STK32B: variants seen among roughly 807,000 people sequenced by gnomAD.
STK32B encodes serine/threonine-protein kinase 32B.
STK32B carries 43 observed loss-of-function variants against 52.6 expected under a neutral mutation model. The ratio of observed to expected loss-of-function variants is 0.82; its 90% CI spans 0.64 to 1.05. The LOEUF (loss-of-function observed/expected upper bound fraction) is 1.05. Ranked by LOEUF, STK32B falls within the 50% of genes least tolerant of loss-of-function variation. The pLI is 0.00. For synonymous variants in STK32B, 238 were observed against 204.3 expected, an observed-to-expected ratio of 1.17 and a Z score of -1.41; for missense variants, 621 against 534.6, an observed-to-expected ratio of 1.16 and a Z score of -1.59.
intron 7 of STK32B, among the ~76,000 whole-genome samples, chr4:5,452,490 A>C (rs147529957): frequency 9.8e-4 from 149 of 152,216 alleles, no homozygotes; most frequent in African/African-American, 3.4e-3. Context: ...ACCTTTGTGA[A>C]TTGTTCAGTG....
At chr4:5,130,731 A>G (rs1715718107) in intron 1 of STK32B, among the ~76,000 whole-genome samples, 2 of 152,092 alleles carry the variant, frequency 1.3e-5, no homozygotes, top group African/African-American at 4.8e-5. Flanking sequence ...GGCCTGACCC[A>G]TTCCTGCCTG....
At chr4:5,264,490 A>G (rs1403047272) in intron 3 of STK32B, among the ~76,000 whole-genome samples, 1 of 142,758 alleles carries the variant, frequency 7.0e-6, no homozygotes, top group African/African-American at 3.0e-5. Flanking sequence ...TTAAAAAAAA[A>G]AATTGTTGTG....
At chr4:5,381,805 C>T (rs534856395) in intron 4 of STK32B, among the ~76,000 whole-genome samples, 15 of 152,234 alleles carry the variant, frequency 9.9e-5, no homozygotes, top group African/African-American at 3.4e-4. Flanking sequence ...CTGGCTCTTC[C>T]ATCACTTACT....
At chr4:5,249,084 AAAAT>A (rs1374226246) in intron 3 of STK32B, among the ~76,000 whole-genome samples, 1 of 149,822 alleles carries the variant, frequency 6.7e-6, no homozygotes, top group African/African-American at 2.5e-5. Context: ...TGATAATAAA[AAAAT>A]AAAATAAAGA....
intron 8 of STK32B, among the ~76,000 whole-genome samples, chr4:5,459,292 C>G (rs985666458): frequency 2.7e-5 from 4 of 148,476 alleles, no homozygotes; most frequent in East Asian, 4.0e-4. Flanking sequence ...GCCCCCCCCC[C>G]CCACCTTTCT....
chr4:5,442,951 G>C (rs1487932793), intron 6 of STK32B, among the ~76,000 whole-genome samples: 1 of 151,938 alleles, frequency 6.6e-6, no homozygotes, highest in African/African-American at 2.4e-5. Flanking sequence ...CTTCTGGCTT[G>C]TAGGGTGTCT....
chr4:5,154,479 T>G (rs1359979912), intron 2 of STK32B, among the ~76,000 whole-genome samples: 1 of 152,178 alleles, frequency 6.6e-6, no homozygotes, highest in Non-Finnish European at 1.5e-5. Flanking sequence ...CCTCCCAAAG[T>G]GCTGGGATTA....
Position 5,317,236 on chromosome 4 carries a change from T to TATATATAATATATAAC in STK32B, c.261-13977_261-13976insATATATAACATATATA, listed in dbSNP as rs1560313394. Among the ~76,000 whole-genome samples, 2 of 56,616 alleles carry TATATATAATATATAAC rather than the reference T, an allele frequency of 3.5e-5. 1 individual carries two copies. The highest frequency in any genetic ancestry group is 3.6e-4 in the African/African-American group (2 of 5,590). The allele number at this position is 56,616 out of a possible 152,430, so 37.1% of individuals were successfully genotyped here. A position where few individuals can be genotyped will look rare whatever the true frequency, so the allele number is the denominator to read the frequency against. On this transcript the variant is annotated intron_variant, in intron 3 of 11. Coordinates refer to ENST00000282908, the MANE Select transcript of STK32B (RefSeq NM_018401.3). ...TAACATATATATATTATATATAACATATATATATTATATATAACATATAAC... is the reference window on the plus strand; with the variant it reads ...TAACATATATATATTATATATAACATATATATAATATATAACATATATATTATATATAACATATAAC...
In STK32B at chr4:5,274,013, C is replaced by G. The variant is rs1293009528; in HGVS notation, c.261-57207C>G. 2.6e-5 allele frequency among the ~76,000 whole-genome samples: 4 copies of G among 151,578 alleles called. No individual in the cohort carries two copies. In the East Asian group the frequency reaches 7.8e-4, roughly 29 times the overall value. On this transcript the variant is annotated intron_variant, in intron 3 of 11. Transcript: ENST00000282908. Reference sequence around the variant, plus strand: ...TAATAAAAAAAAAGAAACAAAAAAACAAAACAAACAAAAAAAAGACTCAAT... The same window carrying G: ...TAATAAAAAAAAAGAAACAAAAAAAGAAAACAAACAAAAAAAAGACTCAAT...
chr4:5,189,191 G>T (rs986021144), intron 3 of STK32B, among the ~76,000 whole-genome samples: 4 of 152,094 alleles, frequency 2.6e-5, no homozygotes, highest in Non-Finnish European at 5.9e-5. Flanking sequence ...ATACATTAGG[G>T]TCTGCTCTTG....
chr4:5,100,831 C>T (rs910000952), intron 1 of STK32B, among the ~76,000 whole-genome samples: 29 of 87,338 alleles, frequency 3.3e-4, no homozygotes, highest in Non-Finnish European at 6.0e-4. Context: ...CCTTTCCTTC[C>T]TTCCTTTCTT....
At chr4:5,355,922 C>T (rs1352119051) in intron 4 of STK32B, among the ~76,000 whole-genome samples, 4 of 152,140 alleles carry the variant, frequency 2.6e-5, no homozygotes, top group African/African-American at 9.7e-5. Flanking sequence ...CTAGGAGCAG[C>T]AGTGGAGGAC....
chr4:5,193,502 C>G (rs897468171), intron 3 of STK32B, among the ~76,000 whole-genome samples: 1 of 152,174 alleles, frequency 6.6e-6, no homozygotes, highest in Non-Finnish European at 1.5e-5. Context: ...GACCTTGCCT[C>G]CCAGGCGCCG....
rs939076257 is a variant in STK32B, at chr4:5,126,150, G to A, written c.53-13755G>A. 7.9e-5 allele frequency among the ~76,000 whole-genome samples: 12 copies of A among 152,320 alleles called. No homozygotes were observed. The East Asian group carries it at 2.1e-3, about 27-fold the overall frequency. ...ATACCACCCAGTCTTGAGTACTGGA[G>A]CTACAGAGAAGGCCTTACTATTGGA... On this transcript the variant is annotated intron_variant, in intron 1 of 11. Transcript: ENST00000282908.
At chr4:5,436,458 G>A (rs3774839) in intron 6 of STK32B, 30,883 of 321,208 alleles carry the variant, frequency 0.096, 2,156 homozygotes, top group East Asian at 0.39. Context: ...CAGCCACCGT[G>A]ATGGGAAGAT....
Position 5,051,892 on chromosome 4 carries a change from C to A in STK32B, c.29C>A (p.Pro10His). The A allele has an allele frequency of 6.2e-7, 1 of 1,600,192 alleles. No homozygotes were observed. The highest frequency in any genetic ancestry group is 8.5e-7 in the Non-Finnish European group (1 of 1,173,842). The change falls in exon 1 of 12, where the codon CCC (proline) becomes CAC (histidine). Residue 10 changes from proline (P) to histidine (H), a missense_variant. By Grantham distance (77) the Pro-to-His change is moderately conservative. Transcript: ENST00000282908. ...GGCGGGAACCACTCCCACAAGCCCC[C>A]CGTGTTTGACGAGAATGAGGAAGGT... MGGNHSHKP[P>H]VFDENEEVNF... is the part of the protein sequence containing the mutation.
intron 3 of STK32B, among the ~76,000 whole-genome samples, chr4:5,267,419 T>G (rs1159248361): frequency 6.6e-6 from 1 of 152,158 alleles, no homozygotes; most frequent in African/African-American, 2.4e-5. Context: ...TTTTCTTACA[T>G]GGAAGTTTGT....
chr4:5,378,601 C>CA lies in STK32B; in HGVS notation c.435-19606_435-19605insA, dbSNP rs199846959. ...TGTCTTCTCCACTGGTTTGGAAGCC[C>CA]TTTTTTTCTAATTTTTATGGGTACA... On this transcript the variant is annotated intron_variant, in intron 4 of 11. Transcript: ENST00000282908. This position sits in a 1 kb window ranked among gnomAD's most constrained non-coding sequence, Gnocchi z 4.4. Among the ~76,000 whole-genome samples the CA allele has an allele frequency of 0.048, 7,251 of 151,990 alleles. 237 individuals are homozygous for CA. Among genetic ancestry groups the CA allele is most frequent in the African/African-American group, 0.09 (3,718 of 41,448 alleles).
rs201582759 is a variant in STK32B, at chr4:5,335,392, C to T, written c.434+3999C>T. ...TTTTTTTCTTTATTAGTCTTGCTAG[C>T]GGTCTATCAGTTTTGTTGATCCTTT... On this transcript the variant is annotated intron_variant, in intron 4 of 11. Coordinates refer to ENST00000282908, the MANE Select transcript of STK32B (RefSeq NM_018401.3). Among the ~76,000 whole-genome samples the T allele has an allele frequency of 1.2e-4, 18 of 152,002 alleles. No individual in the cohort carries two copies. The Middle Eastern group carries it at 0.014, about 115-fold the overall frequency.
Sources: gnomAD v4.1 joint callset for allele counts (sites outside exome capture counted in the v4.1 genomes callset) on GRCh38, gnomAD v4.1.1 for gene constraint, Gnocchi (gnomAD v3.1) non-coding constraint, MANE v1.5 for transcripts, NCBI Gene and HGNC (gene_info 2026-07-23, HGNC 2026-07-21) for gene names.